Variants in PDE3A observed in about 807,000 individuals in gnomAD.
PDE3A encodes phosphodiesterase 3A.
A neutral mutation model predicts 98.3 loss-of-function variants in PDE3A; 43 were observed. The observed-to-expected ratio is 0.44, with a 90% confidence interval of 0.34 to 0.56. PDE3A has a LOEUF of 0.56. Among genes scored for constraint, PDE3A ranks in the 20% least tolerant of loss-of-function variants. The probability of loss-of-function intolerance (pLI) is 0.01; values close to 1 mark genes in which losing one functional copy is unlikely to be tolerated. For missense variants in PDE3A, 1,427 were observed against 1,440.7 expected (o/e 0.99, Z 0.15); for synonymous variants, 663 against 567.9 (o/e 1.17, Z -2.38).
At chr12:20,405,257 C>T (rs1454468966) in intron 1 of PDE3A, among the ~76,000 whole-genome samples, 1 of 152,052 alleles carries the variant, frequency 6.6e-6, no homozygotes, top group Admixed American at 6.6e-5. Flanking sequence ...TAACCCAGGC[C>T]TCTTATGGTT....
rs58496505 is a variant in PDE3A, at chr12:20,687,914, GAAAA to G, written c.*7663_*7666del. ...GACCAGTCATTACCTCTTCCCAACAGAAAAAAAAAAAAAAAAAAAAAAACTGGCA... is the reference window on the plus strand; with the variant it reads ...GACCAGTCATTACCTCTTCCCAACAGAAAAAAAAAAAAAAAAAAACTGGCA... On this transcript the variant is annotated 3_prime_UTR_variant, in exon 16 of 16. Coordinates refer to ENST00000359062, the MANE Select transcript of PDE3A (RefSeq NM_000921.5). Among the ~76,000 whole-genome samples, 7 of 94,312 alleles carry G rather than the reference GAAAA, an allele frequency of 7.4e-5. No individual in the cohort carries two copies. Among genetic ancestry groups the G allele is most frequent in the South Asian group, 8.7e-4 (2 of 2,286 alleles). The allele number at this position is 94,312 out of a possible 152,430, so 61.9% of individuals were successfully genotyped here.
intron 1 of PDE3A, among the ~76,000 whole-genome samples, chr12:20,484,026 C>T (rs1356165988): frequency 1.3e-5 from 2 of 152,114 alleles, no homozygotes; most frequent in African/African-American, 4.8e-5. Context: ...GCTTAGTGAA[C>T]AGTTTTTTGT....
intron 2 of PDE3A, among the ~76,000 whole-genome samples, chr12:20,577,782 A>G (rs1942970487): frequency 6.6e-6 from 1 of 152,208 alleles, no homozygotes; most frequent in Non-Finnish European, 1.5e-5. Flanking sequence ...TTTAACACAT[A>G]CAGGAAATGT....
rs541329534 is a variant in PDE3A at position 20,640,990 on chromosome 12, C to T, written c.2251+1033C>T. On this transcript the variant is annotated intron_variant, in intron 10 of 15. Coordinates refer to ENST00000359062, the MANE Select transcript of PDE3A (RefSeq NM_000921.5). ...AGACTTCAGAGTCCCATAACTTTTT[C>T]GTAATTGTAAAGAGCTGAAATTACA... Among the ~76,000 whole-genome samples, 15 of 152,000 alleles carry T rather than the reference C, an allele frequency of 9.9e-5. No homozygotes were observed. In the East Asian group the frequency reaches 1.2e-3, roughly 12 times the overall value.
rs1206940791 is a variant in PDE3A, at chr12:20,369,598, C to G, written c.314C>G (p.Pro105Arg). The G allele has an allele frequency of 6.4e-7, 1 of 1,565,172 alleles. No homozygotes were observed. The highest frequency in any genetic ancestry group is 8.6e-7 in the Non-Finnish European group (1 of 1,156,088). Residue 105 changes from proline to arginine, a missense_variant, in exon 1 of 16, where the codon CCG becomes CGG. Coordinates refer to ENST00000359062, the MANE Select transcript of PDE3A (RefSeq NM_000921.5). The stretch of plus-strand genomic sequence containing the variant: ...GCGGCGGAGGAGGAGGAAGCAGCCC[C>G]GGGAGCAGAAGGGGGCGTCTTCCCG... ...AAAAEEEEAA[P>R]GAEGGVFPGP... is the part of the protein sequence containing the mutation.
intron 1 of PDE3A, among the ~76,000 whole-genome samples, chr12:20,401,525 A>G (rs1306165232): frequency 6.6e-6 from 1 of 152,164 alleles, no homozygotes; most frequent in African/African-American, 2.4e-5. Flanking sequence ...AGACAGAGAT[A>G]GGTAGATCTC....
intron 6 of PDE3A, among the ~76,000 whole-genome samples, chr12:20,630,719 A>G (rs1277747388): frequency 6.6e-6 from 1 of 152,202 alleles, no homozygotes; most frequent in Non-Finnish European, 1.5e-5. Context: ...GGCTGGAGTA[A>G]TTATTTTGCC....
rs111686934 is a variant in PDE3A at position 20,556,749 on chromosome 12, G to A, written c.1011+39G>A. 7.7e-4 allele frequency: 1,134 copies of A among 1,473,952 alleles called. 10 individuals carry two copies. The African/African-American group carries it at 0.013, about 17-fold the overall frequency. 91.3% of individuals were successfully genotyped at this position (1,473,952 alleles called of 1,614,324 possible). A position where few individuals can be genotyped will look rare whatever the true frequency, so the allele number is the denominator to read the frequency against. On this transcript the variant is annotated intron_variant, in intron 2 of 15. Transcript: ENST00000359062. Reference sequence around the variant, plus strand: ...CCTTTTCTTTTTCACGTTTCGTTTCGTAACACTTTCAGCCACGGGTTTTCT... The same window carrying A: ...CCTTTTCTTTTTCACGTTTCGTTTCATAACACTTTCAGCCACGGGTTTTCT...
At chr12:20,533,699 C>G (rs1290247766) in intron 1 of PDE3A, among the ~76,000 whole-genome samples, 2 of 151,758 alleles carry the variant, frequency 1.3e-5, no homozygotes, top group South Asian at 2.1e-4. Flanking sequence ...CCAGGATGGT[C>G]TCGATCTCCT....
At chr12:20,426,619 C>T (rs1412546170) in intron 1 of PDE3A, among the ~76,000 whole-genome samples, 1 of 152,128 alleles carries the variant, frequency 6.6e-6, no homozygotes, top group Non-Finnish European at 1.5e-5. Context: ...GGAACTAAAA[C>T]ACTTGTCTCC....
intron 1 of PDE3A, among the ~76,000 whole-genome samples, chr12:20,444,637 T>C (rs1024287324): frequency 1.3e-5 from 2 of 152,120 alleles, no homozygotes; most frequent in Non-Finnish European, 2.9e-5. Flanking sequence ...CAGAAGCTTT[T>C]GAAATTAAAG....
chr12:20,475,135 T>A (rs527728890), intron 1 of PDE3A, among the ~76,000 whole-genome samples: 40 of 151,702 alleles, frequency 2.6e-4, no homozygotes, highest in African/African-American at 9.4e-4. Flanking sequence ...TTCCTTAACA[T>A]CTATCACTTA....
At chr12:20,608,571 C>T (rs1004993300) in intron 2 of PDE3A, among the ~76,000 whole-genome samples, 2 of 151,916 alleles carry the variant, frequency 1.3e-5, no homozygotes, top group Non-Finnish European at 2.9e-5. Context: ...GTAACTGTGA[C>T]ATTGACTTAT....
chr12:20,526,207 A>G (rs1210992335), intron 1 of PDE3A, among the ~76,000 whole-genome samples: 2 of 152,146 alleles, frequency 1.3e-5, no homozygotes, highest in Admixed American at 6.5e-5. Context: ...TATTTAGTTG[A>G]TACTATTGTT....
intron 1 of PDE3A, among the ~76,000 whole-genome samples, chr12:20,454,073 A>C (rs1442041627): frequency 6.6e-6 from 1 of 151,344 alleles, no homozygotes; most frequent in Non-Finnish European, 1.5e-5. Flanking sequence ...AAACACATGG[A>C]AGGGAAGCTC....
At chr12:20,542,508 G>C (rs1941944651) in intron 1 of PDE3A, among the ~76,000 whole-genome samples, 1 of 151,024 alleles carries the variant, frequency 6.6e-6, no homozygotes, top group Admixed American at 6.6e-5. Context: ...ATATATTTTA[G>C]GCCCATAAAT....
intron 9 of PDE3A, among the ~76,000 whole-genome samples, chr12:20,638,682 T>C (rs1290809822): frequency 6.6e-6 from 1 of 152,156 alleles, no homozygotes; most frequent in Non-Finnish European, 1.5e-5. Flanking sequence ...CAAATAAGCC[T>C]GTAACGGTGC....
chr12:20,374,406 G>T (rs1184540968), intron 1 of PDE3A, among the ~76,000 whole-genome samples: 1 of 152,070 alleles, frequency 6.6e-6, no homozygotes, highest in Non-Finnish European at 1.5e-5. Flanking sequence ...AGAACTGAAA[G>T]AAATGCTGTG....
chr12:20,382,134 CG>C (rs1943674189), intron 1 of PDE3A, among the ~76,000 whole-genome samples: 1 of 151,708 alleles, frequency 6.6e-6, no homozygotes, highest in East Asian at 1.9e-4. Flanking sequence ...AAAATGCAGA[CG>C]TTTAAATACT....
Sources: allele counts gnomAD v4.1 joint callset (sites outside exome capture counted in the v4.1 genomes callset), GRCh38; gene constraint gnomAD v4.1.1; transcripts MANE v1.5; gene names NCBI Gene and HGNC (gene_info 2026-07-23, HGNC 2026-07-21).